Variants in RGS7 observed in about 807,000 individuals in gnomAD.
RGS7 encodes regulator of G protein signaling 7.
Under a neutral mutation model 81.1 loss-of-function variants are expected in RGS7, and 27 were observed. The observed-to-expected ratio is 0.33, with a 90% CI of 0.25 to 0.46. The LOEUF is 0.46. Among genes scored for constraint, RGS7 ranks in the 20% least tolerant of loss-of-function variants. RGS7 has a pLI of 1.00. For missense variants in RGS7, 396 were observed against 607.4 expected, an observed-to-expected ratio of 0.65 and a Z score of 3.66; for synonymous variants, 208 against 207.7, an observed-to-expected ratio of 1.00 and a Z score of -0.01.
intron 2 of RGS7, among the ~76,000 whole-genome samples, chr1:241,147,899 A>AT (rs1313842562): frequency 7.0e-6 from 1 of 141,864 alleles, no homozygotes; most frequent in Non-Finnish European, 1.5e-5. Context: ...TCATTAAGTC[A>AT]TTTTTTTCAC....
intron 18 of RGS7, among the ~76,000 whole-genome samples, chr1:240,796,129 C>T (rs1441288972): frequency 6.6e-6 from 1 of 152,146 alleles, no homozygotes; most frequent in African/African-American, 2.4e-5. Flanking sequence ...ATATATAGGA[C>T]TAGGTTTCAA....
At chr1:241,076,585 CAT>C (rs2062814073) in intron 3 of RGS7, among the ~76,000 whole-genome samples, 1 of 152,104 alleles carries the variant, frequency 6.6e-6, no homozygotes, top group Non-Finnish European at 1.5e-5. Context: ...ATTTGTTGCT[CAT>C]ATCAATAAGA....
intron 2 of RGS7, among the ~76,000 whole-genome samples, chr1:241,146,609 C>G (rs150970958): frequency 8.5e-4 from 129 of 152,324 alleles, no homozygotes; most frequent in African/African-American, 3.0e-3. Flanking sequence ...GGACAAGATT[C>G]CCAACCTACT....
At chr1:240,964,389 G>A (rs1681958394) in intron 4 of RGS7, among the ~76,000 whole-genome samples, 1 of 152,126 alleles carries the variant, frequency 6.6e-6, no homozygotes, top group Non-Finnish European at 1.5e-5. Flanking sequence ...ATAATTTATA[G>A]GATTGAGTGA....
intron 9 of RGS7, among the ~76,000 whole-genome samples, chr1:240,833,726 T>TCC (rs1157054523): frequency 3.0e-4 from 46 of 152,190 alleles, no homozygotes; most frequent in African/African-American, 1.0e-3. Flanking sequence ...GATCCCTTAT[T>TCC]CTTACATGAA....
At position 240,802,913 on chromosome 1, in the gene RGS7, T is replaced by C. The variant is rs1558274633; in HGVS notation, c.1350A>G (p.Ala450=). Residue 450 remains alanine, a synonymous_variant, in exon 16 of 19, where the codon GCA becomes GCG. Transcript: ENST00000440928. ...CACAAAAAACCAGTACCTTTTTCTT[T>C]GCCTGTAGAAGCTCCTGATAGGCAC... ...RSSAYQELLQ[A]KKKSGNSMDR... The C allele has an allele frequency of 6.2e-7, 1 of 1,607,726 alleles. No homozygotes were observed. Among genetic ancestry groups the C allele is most frequent in the Non-Finnish European group, 8.5e-7 (1 of 1,174,388 alleles).
intron 2 of RGS7, among the ~76,000 whole-genome samples, chr1:241,268,467 G>C (rs1341065815): frequency 6.6e-6 from 1 of 152,164 alleles, no homozygotes; most frequent in Admixed American, 6.5e-5. Context: ...TCTAGATATG[G>C]GCCAATGTTC....
intron 2 of RGS7, among the ~76,000 whole-genome samples, chr1:241,167,534 T>C (rs2070362087): frequency 6.6e-6 from 1 of 151,980 alleles, no homozygotes; most frequent in South Asian, 2.1e-4. Flanking sequence ...TTTTTTTTTT[T>C]CTTGAGACGA....
intron 2 of RGS7, among the ~76,000 whole-genome samples, chr1:241,135,255 T>C (rs980787399): frequency 2.0e-5 from 3 of 152,136 alleles, no homozygotes; most frequent in African/African-American, 4.8e-5. Flanking sequence ...TGAAACCCTG[T>C]CTCTACTAAA....
At chr1:241,055,050 G>A (rs1482222543) in intron 3 of RGS7, among the ~76,000 whole-genome samples, 1 of 152,150 alleles carries the variant, frequency 6.6e-6, no homozygotes, top group Non-Finnish European at 1.5e-5. Context: ...GAATAAAAAT[G>A]CCACAGTGCA....
intron 2 of RGS7, among the ~76,000 whole-genome samples, chr1:241,247,449 A>G (rs1280218804): frequency 1.3e-5 from 2 of 152,174 alleles, no homozygotes; most frequent in African/African-American, 4.8e-5. Context: ...ATTTCTTGCA[A>G]GGTGGAGACG....
intron 2 of RGS7, among the ~76,000 whole-genome samples, chr1:241,278,793 C>A (rs1320459752): frequency 6.6e-6 from 1 of 152,230 alleles, no homozygotes; most frequent in Admixed American, 6.5e-5. Context: ...GGCATCTCTG[C>A]ACACCTCCTT....
At chr1:241,194,578 T>C (rs1305867958) in intron 2 of RGS7, among the ~76,000 whole-genome samples, 1 of 152,174 alleles carries the variant, frequency 6.6e-6, no homozygotes. Context: ...CTAAAAAAAC[T>C]GCAAAGGCAA....
chr1:241,268,042 C>T (rs549581196), intron 2 of RGS7, among the ~76,000 whole-genome samples: 1 of 152,222 alleles, frequency 6.6e-6, no homozygotes, highest in African/African-American at 2.4e-5. Flanking sequence ...AAAAGCTGAC[C>T]GGACCGTTGA....
rs145596379 is a variant in RGS7 at position 240,807,959 on chromosome 1, C to T, written c.1083-1633G>A. On this transcript the variant is annotated intron_variant, in intron 14 of 18. Coordinates refer to ENST00000440928, the MANE Select transcript of RGS7 (RefSeq NM_001364886.1). ...CTGAGGCACGAGAATCGCTTGAACC[C>T]GGAAAGTGGAGGTTGCAGTGAGCAG... 8.4e-3 allele frequency among the ~76,000 whole-genome samples: 1,248 copies of T among 148,146 alleles called. 18 individuals carry two copies. The highest frequency in any genetic ancestry group is 0.03 in the African/African-American group (1,191 of 39,778).
At chr1:241,097,560 A>G (rs1401306403) in intron 3 of RGS7, among the ~76,000 whole-genome samples, 1 of 151,928 alleles carries the variant, frequency 6.6e-6, no homozygotes, top group East Asian at 1.9e-4. Context: ...GCAGCCTGCA[A>G]CCCCTGTACA....
At chr1:240,933,205 T>C (rs549012382) in intron 5 of RGS7, among the ~76,000 whole-genome samples, 1 of 151,894 alleles carries the variant, frequency 6.6e-6, no homozygotes, top group Non-Finnish European at 1.5e-5. Context: ...GAGATGCTTC[T>C]TACGGAGTGC....
chr1:241,201,751 A>G (rs1365288693), intron 2 of RGS7, among the ~76,000 whole-genome samples: 1 of 152,112 alleles, frequency 6.6e-6, no homozygotes, highest in Admixed American at 6.6e-5. Flanking sequence ...GCAACTTTAC[A>G]TTTTAGAGAT....
chr1:241,231,455 G>T lies in RGS7; in HGVS notation c.78+124244C>A, dbSNP rs565481377. ...GCCTGGCTAATTTTTGTATTTTTAGGAGACAGGGTTTTGCCATGTTGGGCA... is the reference window on the plus strand; with the variant it reads ...GCCTGGCTAATTTTTGTATTTTTAGTAGACAGGGTTTTGCCATGTTGGGCA... On this transcript the variant is annotated intron_variant, in intron 2 of 18. Coordinates refer to ENST00000440928, the MANE Select transcript of RGS7 (RefSeq NM_001364886.1). Among the ~76,000 whole-genome samples the T allele has an allele frequency of 2.2e-3, 339 of 151,800 alleles. 3 individuals carry two copies. Among genetic ancestry groups the T allele is most frequent in the African/African-American group, 7.9e-3 (325 of 41,398 alleles).
Sources: allele counts gnomAD v4.1 joint callset (sites outside exome capture counted in the v4.1 genomes callset), GRCh38; gene constraint gnomAD v4.1.1; transcripts MANE v1.5; gene names NCBI Gene and HGNC (gene_info 2026-07-23, HGNC 2026-07-21).